The following GIT1 variants were observed in gnomAD, a reference collection of about 807,000 sequenced individuals.
The protein encoded by GIT1 is GIT ArfGAP 1.
GIT1 carries 14 observed loss-of-function variants against 91.7 expected under a neutral mutation model. The ratio of observed to expected loss-of-function variants is 0.15; its 90% CI spans 0.10 to 0.24. The LOEUF (loss-of-function observed/expected upper bound fraction) is 0.24, where lower values mean the gene tolerates loss of function less well. Among genes scored for constraint, GIT1 ranks in the 10% least tolerant of loss-of-function variants. The pLI is 1.00. For missense variants in GIT1, 717 were observed against 1,024.9 expected (o/e 0.70, Z 4.10); for synonymous variants, 414 against 418.2 (o/e 0.99, Z 0.12).
In GIT1 at chr17:29,576,336, T is replaced by C. The variant is rs1000175695; in HGVS notation, c.1495A>G (p.Thr499Ala). Reference sequence around the variant, plus strand: ...AAGGCCTGGCGATCCCTGCGGTGTGTGCTCCCGCCTGGCGCCATGGGTGTG... The same window carrying C: ...AAGGCCTGGCGATCCCTGCGGTGTGCGCTCCCGCCTGGCGCCATGGGTGTG... ...EHTPMAPGGS[T>A]HRRDRQAFSM... Residue 499 changes from threonine (T) to alanine (A), a missense_variant, in exon 14 of 20, where the codon ACA becomes GCA. Transcript: ENST00000225394. 1.2e-6 allele frequency: 2 copies of C among 1,613,184 alleles called. No individual in the cohort carries two copies. Among genetic ancestry groups the C allele is most frequent in the Admixed American group, 1.7e-5 (1 of 60,006 alleles).
Position 29,582,284 on chromosome 17 carries a change from A to T in GIT1, c.406-140T>A, listed in dbSNP as rs915187818. On this transcript the variant is annotated intron_variant, in intron 4 of 19. Coordinates refer to ENST00000225394, the MANE Select transcript of GIT1 (RefSeq NM_014030.4). ...AAACCAGACTATGTCGGGAGGACAG[A>T]GGCTTCCCGCTAGGGGTTAATGCCA... is the stretch of plus-strand genomic sequence containing the variant. 4.7e-6 allele frequency: 3 copies of T among 642,682 alleles called. No homozygotes were observed. In the African/African-American group the frequency reaches 5.4e-5, roughly 12 times the overall value. The allele number at this position is 642,682 out of a possible 1,614,324, so 39.8% of individuals were successfully genotyped here.
chr17:29,584,022 T>C, intron 1 of GIT1: 1 of 225,616 alleles, frequency 4.4e-6, no homozygotes, highest in Non-Finnish European at 8.8e-6. Context: ...CCAGATGCTG[T>C]TGAAACATGC....
chr17:29,576,646 C>T lies in GIT1; in HGVS notation c.1256G>A (p.Gly419Glu). The change falls in exon 13 of 20, where the codon GGG becomes GAG. Residue 419 changes from glycine (G) to glutamate (E), a missense_variant. This residue lies in a region of GIT1 where 312 missense variants were observed against 349.5 expected (regional missense o/e 0.89). Transcript: ENST00000225394. The stretch of plus-strand genomic sequence containing the variant: ...CAGGTACTCCTGCAGCGTCACAGCC[C>T]CGTCAGACAAGTCCGAGGAGTCCAT... ...RSMDSSDLSD[G>E]AVTLQEYLEL... 1 of 1,613,974 alleles carries T rather than the reference C, an allele frequency of 6.2e-7. No homozygotes were observed. Among genetic ancestry groups the T allele is most frequent in the Non-Finnish European group, 8.5e-7 (1 of 1,179,980 alleles).
rs2033205029 is a variant in GIT1 at position 29,576,454 on chromosome 17, T to C, written c.1381-4A>G. Reference sequence around the variant, plus strand: ...TCTCCGCCTGCAGCTTGTGGATCTATGGGTGCAAAGTGCTGTCAACCCCCT... The same window carrying C: ...TCTCCGCCTGCAGCTTGTGGATCTACGGGTGCAAAGTGCTGTCAACCCCCT... On this transcript the variant is annotated splice_polypyrimidine_tract_variant and splice_region_variant and intron_variant, in intron 13 of 19. Coordinates refer to ENST00000225394, the MANE Select transcript of GIT1 (RefSeq NM_014030.4). The C allele has an allele frequency of 6.2e-7, 1 of 1,612,732 alleles. No individual in the cohort carries two copies. The highest frequency in any genetic ancestry group is 1.1e-5 in the South Asian group (1 of 91,064).
chr17:29,580,703 A>T (rs140243748), intron 7 of GIT1, among the ~76,000 whole-genome samples: 80 of 152,046 alleles, frequency 5.3e-4, no homozygotes, highest in African/African-American at 1.9e-3. Flanking sequence ...CTCTAAAGAC[A>T]GTGGGGTCGG....
rs774295784 is a variant in GIT1, at chr17:29,581,345, C to A, written c.754G>T (p.Ala252Ser). The change falls in exon 7 of 20, where the codon GCT becomes TCT. Residue 252 changes from alanine (A) to serine (S), a missense_variant. Ala to Ser is a moderately conservative substitution (Grantham distance 99). Coordinates refer to ENST00000225394, the MANE Select transcript of GIT1 (RefSeq NM_014030.4). The surrounding 1 kb of genome is among the most constrained non-coding windows in gnomAD (Gnocchi z 4.8). ...KNGHYIIPQMADSLDLSELAK... is the reference protein window; with the variant it reads ...KNGHYIIPQMSDSLDLSELAK... ...CATCAGGTGGGCACTCACCTGTCAG[C>A]CATCTGTGGGATGATGTAATGCCCA... 1 of 1,612,082 alleles carries A rather than the reference C, an allele frequency of 6.2e-7. No homozygotes were observed. Among genetic ancestry groups the A allele is most frequent in the Admixed American group, 1.7e-5 (1 of 60,024 alleles).
At chr17:29,578,458 G>C in intron 8 of GIT1, 87 bp from the exon 9 acceptor site, 1 of 1,267,596 alleles carries the variant, frequency 7.9e-7, no homozygotes, top group Non-Finnish European at 1.2e-6. Context: ...GAGCCTTGGG[G>C]AACCGGTGGC....
intron 15 of GIT1, 74 bp downstream of exon 15, chr17:29,576,004 T>TTCAGCACAGA: frequency 6.4e-7 from 1 of 1,567,426 alleles, no homozygotes; most frequent in East Asian, 2.2e-5. Flanking sequence ...AAGCCCCGAA[T>TTCAGCACAGA]TCAGCACAGA....
chr17:29,581,226 G>A lies in GIT1; in HGVS notation c.761+112C>T. 1 of 787,972 alleles carries A rather than the reference G, an allele frequency of 1.3e-6. No homozygotes were observed. Among genetic ancestry groups the A allele is most frequent in the Non-Finnish European group, 2.3e-6 (1 of 443,826 alleles). The allele number at this position is 787,972 out of a possible 1,614,324, so 48.8% of individuals were successfully genotyped here. A position where few individuals can be genotyped will look rare whatever the true frequency, so the allele number is the denominator to read the frequency against. On this transcript the variant is annotated intron_variant, in intron 7 of 19. Transcript: ENST00000225394. The surrounding 1 kb of genome is among the most constrained non-coding windows in gnomAD (Gnocchi z 4.8). ...GACTAAGCTGTGCCTCTAGTCTCTGGGGGGAGGGAGCAGGGTCCTAGGCCT... is the reference window on the plus strand; with the variant it reads ...GACTAAGCTGTGCCTCTAGTCTCTGAGGGGAGGGAGCAGGGTCCTAGGCCT...
Position 29,574,683 on chromosome 17 carries a change from G to C in GIT1, c.*19C>G, listed in dbSNP as rs2033121314. ...GCCAGTGAGGTCCTAGGGTGCAGGTGAGGGTGTGGGGAGAGAGGTCACTGC... is the reference window on the plus strand; with the variant it reads ...GCCAGTGAGGTCCTAGGGTGCAGGTCAGGGTGTGGGGAGAGAGGTCACTGC... On this transcript the variant is annotated 3_prime_UTR_variant, in exon 20 of 20. Coordinates refer to ENST00000225394, the MANE Select transcript of GIT1 (RefSeq NM_014030.4). 7 of 1,589,168 alleles carry C rather than the reference G, an allele frequency of 4.4e-6. No homozygotes were observed. Among genetic ancestry groups the C allele is most frequent in the Non-Finnish European group, 6.0e-6 (7 of 1,158,596 alleles).
rs200959780 is a variant in GIT1 at position 29,576,433 on chromosome 17, C to T, written c.1398G>A (p.Ala466=). The change falls in exon 14 of 20, where the codon GCG becomes GCA. Residue 466 remains alanine, a synonymous_variant. Coordinates refer to ENST00000225394, the MANE Select transcript of GIT1 (RefSeq NM_014030.4). ...RLQREIHKLQ[A]ENLQLRQPPG... is the part of the protein sequence containing the mutation. Reference sequence around the variant, plus strand: ...GAGGCTGCCGGAGCTGCAGGTTCTCCGCCTGCAGCTTGTGGATCTATGGGT... The same window carrying T: ...GAGGCTGCCGGAGCTGCAGGTTCTCTGCCTGCAGCTTGTGGATCTATGGGT... The T allele has an allele frequency of 1.4e-5, 23 of 1,612,614 alleles. No homozygotes were observed. The African/African-American group carries it at 1.6e-4, about 11-fold the overall frequency.
chr17:29,576,803 G>C, intron 12 of GIT1, 60 bp downstream of exon 12: 1 of 1,575,562 alleles, frequency 6.3e-7, no homozygotes, highest in Non-Finnish European at 8.6e-7. Flanking sequence ...GACAGAGCTG[G>C]GCCTCAGCGA....
intron 1 of GIT1, among the ~76,000 whole-genome samples, chr17:29,588,113 G>A (rs2033657639): frequency 6.6e-6 from 1 of 152,194 alleles, no homozygotes; most frequent in Non-Finnish European, 1.5e-5. Context: ...AACCACCAGA[G>A]CATCTGTGAG....
Position 29,589,236 on chromosome 17 carries a change from T to A in GIT1, c.52+91A>T, listed in dbSNP as rs1333983670. The A allele has an allele frequency of 2.8e-4, 58 of 204,936 alleles. No individual in the cohort carries two copies. Among genetic ancestry groups the A allele is most frequent in the Non-Finnish European group, 4.4e-4 (53 of 121,038 alleles). 12.7% of individuals were successfully genotyped at this position (204,936 alleles called of 1,614,324 possible). A position where few individuals can be genotyped will look rare whatever the true frequency, so the allele number is the denominator to read the frequency against. ...CGCAGCCCCCCGCCCCGCCCAGCCC[T>A]CCGGCCCCGCACAGCGCTCTTGCCA... On this transcript the variant is annotated intron_variant, in intron 1 of 19. Transcript: ENST00000225394. The surrounding 1 kb of genome is among the most constrained non-coding windows in gnomAD (Gnocchi z 5.2).
rs763054640 is a variant in GIT1, at chr17:29,583,560, C to T, written c.109G>A (p.Val37Met). 66 of 1,610,184 alleles carry T rather than the reference C, an allele frequency of 4.1e-5. No homozygotes were observed. Among genetic ancestry groups the T allele is most frequent in the Admixed American group, 2.0e-4 (12 of 59,742 alleles). ...ATGTGGCGTCCCAGGCTCCGGTGCA[C>T]GCTGCAGCACTCGTCACACACCAGC... ...GVLVCDECCS[V>M]HRSLGRHISI... Residue 37 changes from valine to methionine, a missense_variant, in exon 2 of 20, where the codon GTG becomes ATG. Physicochemically the swap from Val to Met is conservative, Grantham distance 21. Around this residue, in one of 3 missense-constraint regions of GIT1, gnomAD observed 271 missense variants for 451.6 expected, o/e 0.60. Coordinates refer to ENST00000225394, the MANE Select transcript of GIT1 (RefSeq NM_014030.4).
At chr17:29,585,041 AC>A (rs1391746026) in intron 1 of GIT1, among the ~76,000 whole-genome samples, 1 of 123,122 alleles carries the variant, frequency 8.1e-6, no homozygotes, top group Admixed American at 1.0e-4. Flanking sequence ...TTTTTAAGGG[AC>A]CCCCTCCCAA....
chr17:29,575,658 TCTC>T lies in GIT1; in HGVS notation c.1795_1797del (p.Glu599del). On this transcript the variant is annotated inframe_deletion, in exon 17 of 20. Coordinates refer to ENST00000225394, the MANE Select transcript of GIT1 (RefSeq NM_014030.4). This position sits in a 1 kb window ranked among gnomAD's most constrained non-coding sequence, Gnocchi z 5.5. ...AGCAGTGGGTCCCCACTTTGCGTGT[TCTC>T]ATAGTCACTGTCGGCTCCACTGCCG... 6.2e-7 allele frequency: 1 copy of T among 1,612,574 alleles called. No individual in the cohort carries two copies. Among genetic ancestry groups the T allele is most frequent in the Non-Finnish European group, 8.5e-7 (1 of 1,179,974 alleles).
In GIT1 at chr17:29,574,558, AGGGCACCT is replaced by A. The variant is rs1212790279; in HGVS notation, c.*136_*143del. ...TAGGGGCTCGACAGGGGTGGGCACC[AGGGCACCT>A]GGCTGCCAGGGAGTGTGGCAGCACT... On this transcript the variant is annotated 3_prime_UTR_variant, in exon 20 of 20. Coordinates refer to ENST00000225394, the MANE Select transcript of GIT1 (RefSeq NM_014030.4). The A allele has an allele frequency of 1.3e-6, 1 of 756,262 alleles. No homozygotes were observed. Among genetic ancestry groups the A allele is most frequent in the African/African-American group, 1.7e-5 (1 of 58,204 alleles). 46.8% of individuals were successfully genotyped at this position (756,262 alleles called of 1,614,324 possible).
At chr17:29,582,560 C>T (rs369354482) in intron 4 of GIT1, 138 bp downstream of exon 4, 1 of 651,936 alleles carries the variant, frequency 1.5e-6, no homozygotes, top group South Asian at 1.8e-5. Context: ...AATCTGCTCT[C>T]TCCACCCTGT....
Sources: gnomAD v4.1 joint callset for allele counts (sites outside exome capture counted in the v4.1 genomes callset) on GRCh38, gnomAD v4.1.1 for gene constraint, gnomAD v4.1.1 regional missense constraint, Gnocchi (gnomAD v3.1) non-coding constraint, MANE v1.5 for transcripts, NCBI Gene and HGNC (gene_info 2026-07-23, HGNC 2026-07-21) for gene names.